Variants in PHACTR2 observed in about 807,000 individuals in gnomAD.
PHACTR2 encodes the protein phosphatase and actin regulator 2.
In PHACTR2, 30 loss-of-function variants were observed where a neutral mutation model predicts 76.0. The observed-to-expected ratio is 0.39, with a 90% CI of 0.30 to 0.54. PHACTR2 has a LOEUF of 0.54. Ranked by LOEUF, PHACTR2 falls within the 20% of genes least tolerant of loss-of-function variation. PHACTR2 has a pLI of 0.61. For synonymous variants in PHACTR2, 292 were observed against 292.5 expected (o/e 1.00, Z 0.02); for missense variants, 696 against 781.1 (o/e 0.89, Z 1.30).
chr6:143,740,385 A>G (rs1367323341), intron 2 of PHACTR2, among the ~76,000 whole-genome samples: 1 of 152,044 alleles, frequency 6.6e-6, no homozygotes, highest in Non-Finnish European at 1.5e-5. Context: ...ACCATCTGGA[A>G]TGCAGCCCAG....
chr6:143,627,605 C>CTTT lies in PHACTR2; in HGVS notation c.13+19283_13+19284insTTT. Among the ~76,000 whole-genome samples the CTTT allele has an allele frequency of 1.2e-5, 1 of 80,736 alleles. No homozygotes were observed. The allele number at this position is 80,736 out of a possible 152,430, so 53.0% of individuals were successfully genotyped here. ...TCACAATGTTGTACAACCACCACTT[C>CTTT]CTTTTTTTTTTTTTGAGAAGAAGTC... On this transcript the variant is annotated intron_variant, in intron 1 of 11. Transcript: ENST00000305766. This position sits in a 1 kb window ranked among gnomAD's most constrained non-coding sequence, Gnocchi z 4.3.
At chr6:143,707,663 A>G (rs1778084463) in intron 1 of PHACTR2, among the ~76,000 whole-genome samples, 1 of 152,238 alleles carries the variant, frequency 6.6e-6, no homozygotes, top group Non-Finnish European at 1.5e-5. Flanking sequence ...GAATCTCTAT[A>G]ATTTATTTAT....
In PHACTR2 at chr6:143,800,097, A is replaced by G. The variant is rs1347432690; in HGVS notation, c.1846-6960A>G. ...GATGCATATATATTTAGGATAGTTA[A>G]CTCTTTTTGTTGAATTGATCCCTTC... is the stretch of plus-strand genomic sequence containing the variant. On this transcript the variant is annotated intron_variant, in intron 11 of 12. Coordinates refer to ENST00000440869, the MANE Select transcript of PHACTR2 (RefSeq NM_001100164.2). The surrounding 1 kb of genome is among the most constrained non-coding windows in gnomAD (Gnocchi z 4.8). 1.3e-5 allele frequency among the ~76,000 whole-genome samples: 2 copies of G among 151,340 alleles called. No individual in the cohort carries two copies. The highest frequency in any genetic ancestry group is 2.9e-5 in the Non-Finnish European group (2 of 67,816).
In PHACTR2 at chr6:143,689,116, G is replaced by A. The variant is rs145405674; in HGVS notation, c.46+10907G>A. Among the ~76,000 whole-genome samples, 127 of 152,170 alleles carry A rather than the reference G, an allele frequency of 8.3e-4. 1 individual carries two copies. Among genetic ancestry groups the A allele is most frequent in the East Asian group, 3.9e-4 (2 of 5,164 alleles). On this transcript the variant is annotated intron_variant, in intron 1 of 12. Coordinates refer to ENST00000440869, the MANE Select transcript of PHACTR2 (RefSeq NM_001100164.2). The surrounding 1 kb of genome is among the most constrained non-coding windows in gnomAD (Gnocchi z 4.4). ...TGAGACACTCTTCCCTTCGCTCTTCGCCAAGCTGACTCCTTGTTTCGGCTG... is the reference window on the plus strand; with the variant it reads ...TGAGACACTCTTCCCTTCGCTCTTCACCAAGCTGACTCCTTGTTTCGGCTG...
chr6:143,778,090 G>A (rs181748081), intron 9 of PHACTR2, among the ~76,000 whole-genome samples: 1 of 152,234 alleles, frequency 6.6e-6, no homozygotes, highest in African/African-American at 2.4e-5. Flanking sequence ...ACTGCAGTGA[G>A]TTAAGAAACG....
At chr6:143,758,884 A>G (rs954247323) in intron 4 of PHACTR2, among the ~76,000 whole-genome samples, 2 of 152,230 alleles carry the variant, frequency 1.3e-5, no homozygotes, top group Admixed American at 6.5e-5. Flanking sequence ...AGAGAATTCT[A>G]TACTTCACAC....
upstream of PHACTR2, among the ~76,000 whole-genome samples, chr6:143,676,608 G>A (rs1440085099): frequency 2.0e-5 from 3 of 152,060 alleles, no homozygotes; most frequent in African/African-American, 7.2e-5. The surrounding 1 kb of genome is among the most constrained non-coding windows in gnomAD (Gnocchi z 4.8). Flanking sequence ...CATTATAATT[G>A]CTTACTCTCA....
At position 143,585,431 on chromosome 6, in the gene PHACTR2, G is replaced by A. The variant is rs1775618951; in HGVS notation, c.217+48224G>A. Among the ~76,000 whole-genome samples the A allele has an allele frequency of 6.6e-6, 1 of 152,208 alleles. No individual in the cohort carries two copies. Among genetic ancestry groups the A allele is most frequent in the African/African-American group, 2.4e-5 (1 of 41,450 alleles). On this transcript the variant is annotated intron_variant, in intron 1 of 11. Transcript: ENST00000367584. This position sits in a 1 kb window ranked among gnomAD's most constrained non-coding sequence, Gnocchi z 5.2. ...GAAGCTGAGATTCCAGGCAGCACAA[G>A]AACAACACATTGGAACTAGGAAACC...
At chr6:143,608,181 G>A (rs1323226573), upstream of PHACTR2, 1 of 888,930 alleles carries the variant, frequency 1.1e-6, no homozygotes, top group Non-Finnish European at 1.9e-6. The surrounding 1 kb of genome is among the most constrained non-coding windows in gnomAD (Gnocchi z 4.6). Flanking sequence ...CCTGCAGACA[G>A]TGCATGAAGT....
Position 143,780,803 on chromosome 6 carries a change from T to C in PHACTR2, c.1646-2416T>C, listed in dbSNP as rs1057399673. On this transcript the variant is annotated intron_variant, in intron 9 of 12. Coordinates refer to ENST00000440869, the MANE Select transcript of PHACTR2 (RefSeq NM_001100164.2). This position sits in a 1 kb window ranked among gnomAD's most constrained non-coding sequence, Gnocchi z 4.4. ...AAGATTTGTCAATGAACCACGTCAC[T>C]TCCTTCATGCATATCCCACCAGCCT... 2.0e-5 allele frequency among the ~76,000 whole-genome samples: 3 copies of C among 152,222 alleles called. No homozygotes were observed. Among genetic ancestry groups the C allele is most frequent in the Non-Finnish European group, 2.9e-5 (2 of 68,032 alleles).
In PHACTR2 at chr6:143,722,574, T is replaced by C. The variant is rs944342290; in HGVS notation, c.214+10391T>C. 6.6e-6 allele frequency among the ~76,000 whole-genome samples: 1 copy of C among 152,244 alleles called. No homozygotes were observed. Among genetic ancestry groups the C allele is most frequent in the Non-Finnish European group, 1.5e-5 (1 of 68,034 alleles). On this transcript the variant is annotated intron_variant, in intron 2 of 12. Transcript: ENST00000440869. The surrounding 1 kb of genome is among the most constrained non-coding windows in gnomAD (Gnocchi z 4.1). Reference sequence around the variant, plus strand: ...ATGTGTAATGTTTAAATCAAGGTAATTGAGATATACATCACCTCAAACATT... The same window carrying C: ...ATGTGTAATGTTTAAATCAAGGTAACTGAGATATACATCACCTCAAACATT...
At chr6:143,813,641 A>T (rs1424517279) in intron 12 of PHACTR2, among the ~76,000 whole-genome samples, 1 of 149,500 alleles carries the variant, frequency 6.7e-6, no homozygotes, top group Non-Finnish European at 1.5e-5. Flanking sequence ...AAAAAAAAAA[A>T]TTCAGATGCC....
chr6:143,803,069 G>C lies in PHACTR2; in HGVS notation c.1846-3988G>C, dbSNP rs1247395460. Among the ~76,000 whole-genome samples the C allele has an allele frequency of 6.6e-6, 1 of 152,094 alleles. No individual in the cohort carries two copies. The highest frequency in any genetic ancestry group is 1.5e-5 in the Non-Finnish European group (1 of 68,020). On this transcript the variant is annotated intron_variant, in intron 11 of 12. Transcript: ENST00000440869. This position sits in a 1 kb window ranked among gnomAD's most constrained non-coding sequence, Gnocchi z 4.7. ...CAATTTTCCTGATGACAGGGGCCCAGAAGCTCATATTAATGGAAAGACTGT... is the reference window on the plus strand; with the variant it reads ...CAATTTTCCTGATGACAGGGGCCCACAAGCTCATATTAATGGAAAGACTGT...
chr6:143,582,497 A>G (rs1274098286), intron 1 of PHACTR2, among the ~76,000 whole-genome samples: 1 of 152,170 alleles, frequency 6.6e-6, no homozygotes, highest in Non-Finnish European at 1.5e-5. Flanking sequence ...TTATTTAGCA[A>G]TTTTATTCCT....
intron 1 of PHACTR2, among the ~76,000 whole-genome samples, chr6:143,563,832 CAAA>C (rs57687039): frequency 0.59 from 85,515 of 145,086 alleles, 25,123 homozygotes; most frequent in Middle Eastern, 0.74. Flanking sequence ...CCTGTCTCTA[CAAA>C]AAAAAAAAAA....
chr6:143,642,018 G>T (rs544732148), intron 1 of PHACTR2, among the ~76,000 whole-genome samples: 1 of 152,232 alleles, frequency 6.6e-6, no homozygotes, highest in East Asian at 1.9e-4. Context: ...ATTATATATA[G>T]CTCCTCTGCA....
intron 1 of PHACTR2, among the ~76,000 whole-genome samples, chr6:143,588,804 ATAT>A (rs1432407869): frequency 6.6e-6 from 1 of 152,240 alleles, no homozygotes; most frequent in Admixed American, 6.5e-5. Flanking sequence ...TAGCAAGAAG[ATAT>A]TATAAACAAT....
rs954549223 is a variant in PHACTR2 at position 143,806,536 on chromosome 6, A to G, written c.1846-521A>G. On this transcript the variant is annotated intron_variant, in intron 11 of 12. Coordinates refer to ENST00000440869, the MANE Select transcript of PHACTR2 (RefSeq NM_001100164.2). This position sits in a 1 kb window ranked among gnomAD's most constrained non-coding sequence, Gnocchi z 5.8. ...GTGGGGGATGTTCCGTGTGACTCATAGACCAGACTCAAGGATGAGTTTAGC... is the reference window on the plus strand; with the variant it reads ...GTGGGGGATGTTCCGTGTGACTCATGGACCAGACTCAAGGATGAGTTTAGC... Among the ~76,000 whole-genome samples the G allele has an allele frequency of 1.3e-5, 2 of 152,216 alleles. No homozygotes were observed. The highest frequency in any genetic ancestry group is 6.5e-5 in the Admixed American group (1 of 15,280).
rs1394373629 is a variant in PHACTR2 at position 143,827,194 on chromosome 6, A to G, written c.*3505A>G. 1.4e-4 allele frequency: 17 copies of G among 121,782 alleles called. No homozygotes were observed. The highest frequency in any genetic ancestry group is 3.6e-4 in the African/African-American group (12 of 33,652). 7.5% of individuals were successfully genotyped at this position (121,782 alleles called of 1,614,324 possible). ...TATATATATATATATATATATATAT[A>G]TATATGTATATTATATATACAGTAG... On this transcript the variant is annotated 3_prime_UTR_variant, in exon 13 of 13. Coordinates refer to ENST00000440869, the MANE Select transcript of PHACTR2 (RefSeq NM_001100164.2).
Sources: gnomAD v4.1 joint callset for allele counts (sites outside exome capture counted in the v4.1 genomes callset) on GRCh38, gnomAD v4.1.1 for gene constraint, Gnocchi (gnomAD v3.1) non-coding constraint, MANE v1.5 for transcripts, NCBI Gene and HGNC (gene_info 2026-07-23, HGNC 2026-07-21) for gene names.